Variants in TMEM132D observed in about 807,000 individuals in gnomAD.
The protein encoded by TMEM132D is mature OL transmembrane protein.
TMEM132D carries 21 observed loss-of-function variants against 62.3 expected under a neutral mutation model. The ratio of observed to expected loss-of-function variants is 0.34; its 90% CI spans 0.24 to 0.49. The LOEUF (loss-of-function observed/expected upper bound fraction) is 0.49. Ranked by LOEUF, TMEM132D falls within the 20% of genes least tolerant of loss-of-function variation. The pLI, the probability that TMEM132D is intolerant of heterozygous loss-of-function variation, is 0.99. For missense variants in TMEM132D, 1,346 were observed against 1,402.8 expected, an observed-to-expected ratio of 0.96 and a Z score of 0.65; for synonymous variants, 621 against 575.6, an observed-to-expected ratio of 1.08 and a Z score of -1.13.
Position 129,658,133 on chromosome 12 carries a change from G to A in TMEM132D, c.968+41677C>T, listed in dbSNP as rs617822. Among the ~76,000 whole-genome samples, 690 of 152,284 alleles carry A rather than the reference G, an allele frequency of 4.5e-3. 7 individuals carry two copies. Among genetic ancestry groups the A allele is most frequent in the African/African-American group, 0.016 (659 of 41,558 alleles). ...GGAGGTGACATTTGAAATGGGACCTGCTCATGGAGAAAGTAAAAACTATGC... is the reference window on the plus strand; with the variant it reads ...GGAGGTGACATTTGAAATGGGACCTACTCATGGAGAAAGTAAAAACTATGC... On this transcript the variant is annotated intron_variant, in intron 2 of 8. Coordinates refer to ENST00000422113, the MANE Select transcript of TMEM132D (RefSeq NM_133448.3).
chr12:129,651,768 C>A (rs1340299309), intron 2 of TMEM132D, among the ~76,000 whole-genome samples: 1 of 152,184 alleles, frequency 6.6e-6, no homozygotes, highest in Non-Finnish European at 1.5e-5. Context: ...ACCTGAGCAT[C>A]TTTGAGGAGT....
chr12:129,073,811 T>G lies in TMEM132D; in HGVS notation c.*64A>C. On this transcript the variant is annotated 3_prime_UTR_variant, in exon 9 of 9. Transcript: ENST00000422113. ...TTTGTTTCTCTTCCGGGGGCACCGTTGCTACACATCCTGGAATTAAAGGCT... is the reference window on the plus strand; with the variant it reads ...TTTGTTTCTCTTCCGGGGGCACCGTGGCTACACATCCTGGAATTAAAGGCT... 1 of 1,395,166 alleles carries G rather than the reference T, an allele frequency of 7.2e-7. No homozygotes were observed. Among genetic ancestry groups the G allele is most frequent in the Non-Finnish European group, 9.8e-7 (1 of 1,025,278 alleles). The allele number at this position is 1,395,166 out of a possible 1,614,324, so 86.4% of individuals were successfully genotyped here. A position where few individuals can be genotyped will look rare whatever the true frequency, so the allele number is the denominator to read the frequency against.
intron 2 of TMEM132D, among the ~76,000 whole-genome samples, chr12:129,545,980 T>C (rs1876721078): frequency 6.6e-6 from 1 of 152,196 alleles, no homozygotes; most frequent in Non-Finnish European, 1.5e-5. Flanking sequence ...CAGGTGCCTC[T>C]TGGACATCTG....
At chr12:129,399,483 C>T (rs910037561) in intron 3 of TMEM132D, among the ~76,000 whole-genome samples, 1 of 152,200 alleles carries the variant, frequency 6.6e-6, no homozygotes, top group Non-Finnish European at 1.5e-5. Context: ...CATTAATCCA[C>T]TTGTGATGGC....
chr12:129,582,877 G>C (rs1163342669), intron 2 of TMEM132D, among the ~76,000 whole-genome samples: 1 of 151,722 alleles, frequency 6.6e-6, no homozygotes, highest in African/African-American at 2.4e-5. Context: ...CACCCACCTC[G>C]GCCTCCCAAA....
At position 129,877,653 on chromosome 12, in the gene TMEM132D, A is replaced by AGAGAGAGAGC. The variant is rs1318738326; in HGVS notation, c.79+25607_79+25608insGCTCTCTCTC. Among the ~76,000 whole-genome samples, 4 of 150,214 alleles carry AGAGAGAGAGC rather than the reference A, an allele frequency of 2.7e-5. No individual in the cohort carries two copies. The South Asian group carries it at 6.5e-4, about 24-fold the overall frequency. On this transcript the variant is annotated intron_variant, in intron 1 of 8. Transcript: ENST00000422113. ...CAGAGAGAGAGAGAGAGAGAGAGAG[A>AGAGAGAGAGC]GCGCTATAAGCTGAAGCCCATCTTG...
At chr12:129,125,691 C>T (rs1286331671) in intron 5 of TMEM132D, among the ~76,000 whole-genome samples, 5 of 150,348 alleles carry the variant, frequency 3.3e-5, no homozygotes, top group African/African-American at 9.8e-5. Flanking sequence ...TTGGTATAAA[C>T]GGGGTTTTGC....
intron 3 of TMEM132D, among the ~76,000 whole-genome samples, chr12:129,403,207 C>T (rs1871671271): frequency 6.6e-6 from 1 of 150,406 alleles, no homozygotes; most frequent in South Asian, 2.1e-4. Context: ...TAATTCCTCT[C>T]CATTGATATC....
chr12:129,260,150 G>T lies in TMEM132D; in HGVS notation c.1300-50487C>A, dbSNP rs140791992. Among the ~76,000 whole-genome samples, 629 of 152,292 alleles carry T rather than the reference G, an allele frequency of 4.1e-3. 2 individuals are homozygous for T. The highest frequency in any genetic ancestry group is 6.5e-3 in the Non-Finnish European group (443 of 68,022). On this transcript the variant is annotated intron_variant, in intron 4 of 8. Coordinates refer to ENST00000422113, the MANE Select transcript of TMEM132D (RefSeq NM_133448.3). The stretch of plus-strand genomic sequence containing the variant: ...GCTTGGGACACTCTAAATTTGGGGG[G>T]TTGAGAAGAGATAGCCAAGGAGACT...
At chr12:129,125,662 T>TTTCTTTA (rs1876191146) in intron 5 of TMEM132D, among the ~76,000 whole-genome samples, 1 of 151,634 alleles carries the variant, frequency 6.6e-6, no homozygotes, top group Non-Finnish European at 1.5e-5. Flanking sequence ...CAATTTTTCT[T>TTTCTTTA]TTCTTTTTTC....
At chr12:129,288,726 T>G (rs971525930) in intron 4 of TMEM132D, among the ~76,000 whole-genome samples, 1 of 152,146 alleles carries the variant, frequency 6.6e-6, no homozygotes, top group Non-Finnish European at 1.5e-5. Flanking sequence ...ATAGAACTGC[T>G]AGGTATTTAT....
chr12:129,691,221 TAGAAA>T (rs2050987115), intron 2 of TMEM132D, among the ~76,000 whole-genome samples: 1 of 151,862 alleles, frequency 6.6e-6, no homozygotes, highest in African/African-American at 2.4e-5. Flanking sequence ...AAACATACAT[TAGAAA>T]AGAAAATCTA....
chr12:129,645,402 T>C (rs931888288), intron 2 of TMEM132D, among the ~76,000 whole-genome samples: 1 of 152,196 alleles, frequency 6.6e-6, no homozygotes, highest in African/African-American at 2.4e-5. Flanking sequence ...TTCTATAACT[T>C]ACTGTTCGCT....
At chr12:129,566,602 C>A (rs1404436386) in intron 2 of TMEM132D, among the ~76,000 whole-genome samples, 1 of 152,052 alleles carries the variant, frequency 6.6e-6, no homozygotes. Context: ...AAGTATTTTA[C>A]CCACTAATAT....
rs542215303 is a variant in TMEM132D at position 129,213,290 on chromosome 12, C to T, written c.1300-3627G>A. ...GGTGGATCACTTGAACCCAGGAGTTCGAGACCAGCCTGGGCAATACAGTGA... is the reference window on the plus strand; with the variant it reads ...GGTGGATCACTTGAACCCAGGAGTTTGAGACCAGCCTGGGCAATACAGTGA... On this transcript the variant is annotated intron_variant, in intron 4 of 8. Coordinates refer to ENST00000422113, the MANE Select transcript of TMEM132D (RefSeq NM_133448.3). Among the ~76,000 whole-genome samples the T allele has an allele frequency of 2.6e-4, 40 of 152,222 alleles. No homozygotes were observed. In the East Asian group the frequency reaches 6.4e-3, roughly 24 times the overall value.
chr12:129,621,534 A>AAG (rs1879067329), intron 2 of TMEM132D, among the ~76,000 whole-genome samples: 1 of 152,066 alleles, frequency 6.6e-6, no homozygotes, highest in Non-Finnish European at 1.5e-5. Flanking sequence ...CCACCGATGC[A>AAG]CCCAGTGAAT....
At chr12:129,365,629 A>G (rs984392212) in intron 3 of TMEM132D, among the ~76,000 whole-genome samples, 9 of 152,146 alleles carry the variant, frequency 5.9e-5, no homozygotes, top group African/African-American at 2.2e-4. Context: ...TGCAAGCCCA[A>G]CCAAGCCCCT....
intron 5 of TMEM132D, among the ~76,000 whole-genome samples, chr12:129,112,536 G>A (rs1281080900): frequency 1.3e-5 from 2 of 152,188 alleles, no homozygotes; most frequent in African/African-American, 4.8e-5. Flanking sequence ...GGTGGCACAT[G>A]CCTGTAATTC....
At chr12:129,213,395 G>T (rs1313136464) in intron 4 of TMEM132D, among the ~76,000 whole-genome samples, 1 of 152,142 alleles carries the variant, frequency 6.6e-6, no homozygotes, top group Non-Finnish European at 1.5e-5. Flanking sequence ...TACTTGAATG[G>T]CTAGGTGAAA....
Sources: gnomAD v4.1 joint callset for allele counts (sites outside exome capture counted in the v4.1 genomes callset) on GRCh38, gnomAD v4.1.1 for gene constraint, MANE v1.5 for transcripts, NCBI Gene and HGNC (gene_info 2026-07-23, HGNC 2026-07-21) for gene names.